Variants in FAM227A observed in about 807,000 individuals in gnomAD.
FAM227A encodes the protein protein FAM227A.
A neutral mutation model predicts 74.7 loss-of-function variants in FAM227A; 80 were observed. The ratio of observed to expected loss-of-function variants is 1.07; its 90% CI spans 0.89 to 1.29. The LOEUF is 1.29. Ranked by LOEUF, FAM227A falls within the 50% of genes most tolerant of loss-of-function variation. The pLI is 0.00. For missense variants in FAM227A, 654 were observed against 683.4 expected, an observed-to-expected ratio of 0.96 and a Z score of 0.48; for synonymous variants, 237 against 241.8, an observed-to-expected ratio of 0.98 and a Z score of 0.19.
rs1275767300 is a variant in FAM227A, at chr22:38,608,103, G to A, written c.1039-627C>T. Among the ~76,000 whole-genome samples the A allele has an allele frequency of 2.0e-5, 3 of 147,580 alleles. No individual in the cohort carries two copies. In the Admixed American group the frequency reaches 2.1e-4, roughly 10 times the overall value. On this transcript the variant is annotated intron_variant, in intron 11 of 16. Transcript: ENST00000535113. ...TCAAAATAACAGTGGCTCAAACTAG[G>A]TAGAAATTTCTCTCCCACCATCCTG... is the stretch of plus-strand genomic sequence containing the variant.
chr22:38,582,556 T>A lies in FAM227A; in HGVS notation c.*3569A>T. Reference sequence around the variant, plus strand: ...TTCCCCATAATTTTCCCTTCTAATGTTTACAAAGGGCAGAGACAGGTTTCT... The same window carrying A: ...TTCCCCATAATTTTCCCTTCTAATGATTACAAAGGGCAGAGACAGGTTTCT... On this transcript the variant is annotated 3_prime_UTR_variant, in exon 17 of 17. Coordinates refer to ENST00000535113, the MANE Select transcript of FAM227A (RefSeq NM_001013647.2). 2.2e-6 allele frequency: 2 copies of A among 910,008 alleles called. No homozygotes were observed. Among genetic ancestry groups the A allele is most frequent in the Non-Finnish European group, 3.3e-6 (2 of 610,510 alleles). 56.4% of individuals were successfully genotyped at this position (910,008 alleles called of 1,614,324 possible).
Position 38,581,433 on chromosome 22 carries a change from T to A in FAM227A, c.*4692A>T, listed in dbSNP as rs1177164420. On this transcript the variant is annotated 3_prime_UTR_variant, in exon 17 of 17. Coordinates refer to ENST00000535113, the MANE Select transcript of FAM227A (RefSeq NM_001013647.2). ...CTAGGTCATTTCAGTGGACAGAGTTTTAGGAAATATATACACATATTTTTG... is the reference window on the plus strand; with the variant it reads ...CTAGGTCATTTCAGTGGACAGAGTTATAGGAAATATATACACATATTTTTG... 1 of 152,174 alleles carries A rather than the reference T, an allele frequency of 6.6e-6. No individual in the cohort carries two copies. Among genetic ancestry groups the A allele is most frequent in the Admixed American group, 6.5e-5 (1 of 15,276 alleles). 9.4% of individuals were successfully genotyped at this position (152,174 alleles called of 1,614,324 possible). A position where few individuals can be genotyped will look rare whatever the true frequency, so the allele number is the denominator to read the frequency against.
intron 10 of FAM227A, among the ~76,000 whole-genome samples, chr22:38,621,368 G>A (rs1054366722): frequency 1.8e-4 from 23 of 128,304 alleles, no homozygotes; most frequent in Admixed American, 4.8e-4. Context: ...AAAAAAGAAA[G>A]AAAAGAAAAG....
At chr22:38,607,753 G>C (rs576585654) in intron 11 of FAM227A, among the ~76,000 whole-genome samples, 2 of 152,296 alleles carry the variant, frequency 1.3e-5, no homozygotes, top group Admixed American at 1.3e-4. Context: ...TCTGGGGCAA[G>C]TCATCAAACC....
intron 11 of FAM227A, among the ~76,000 whole-genome samples, chr22:38,619,184 C>T (rs1037956719): frequency 1.3e-5 from 2 of 151,966 alleles, no homozygotes; most frequent in African/African-American, 4.8e-5. Context: ...GAGGCAGGAC[C>T]CCTGAGAGCC....
At chr22:38,614,428 G>A (rs2146318915) in intron 11 of FAM227A, among the ~76,000 whole-genome samples, 1 of 152,254 alleles carries the variant, frequency 6.6e-6, no homozygotes, top group Admixed American at 6.5e-5. Flanking sequence ...TTTCCACTGT[G>A]CAAATCCCTA....
At chr22:38,644,946 G>A (rs575251680) in intron 3 of FAM227A, among the ~76,000 whole-genome samples, 13 of 152,112 alleles carry the variant, frequency 8.5e-5, no homozygotes, top group Non-Finnish European at 1.8e-4. Flanking sequence ...AAAATTAGCC[G>A]GGTATGGTGG....
intron 10 of FAM227A, 71 bp from the exon 11 acceptor site, chr22:38,620,362 G>C: frequency 8.1e-7 from 1 of 1,231,558 alleles, no homozygotes; most frequent in Admixed American, 2.0e-5. Flanking sequence ...CCAGGAGCTT[G>C]AGACAGCCTC....
At chr22:38,604,018 A>G (rs1274926437) in intron 13 of FAM227A, among the ~76,000 whole-genome samples, 1 of 152,170 alleles carries the variant, frequency 6.6e-6, no homozygotes, top group Non-Finnish European at 1.5e-5. Context: ...TCTAAGGTAA[A>G]ACACCACGAT....
At chr22:38,649,896 A>G (rs2092299459) in intron 2 of FAM227A, 131 bp downstream of exon 2, 2 of 832,448 alleles carry the variant, frequency 2.4e-6, no homozygotes, top group African/African-American at 1.8e-5. Flanking sequence ...AAAGAAAAGA[A>G]AAAATGAATG....
intron 11 of FAM227A, among the ~76,000 whole-genome samples, chr22:38,613,265 A>T (rs1298910837): frequency 5.0e-4 from 41 of 81,486 alleles, no homozygotes; most frequent in African/African-American, 2.0e-3. Flanking sequence ...ATATATTATA[A>T]CATATATTAT....
intron 6 of FAM227A, among the ~76,000 whole-genome samples, chr22:38,630,504 G>A (rs2091895690): frequency 6.6e-6 from 1 of 152,212 alleles, no homozygotes; most frequent in South Asian, 2.1e-4. Flanking sequence ...CAAAACACAT[G>A]GAGATGGTCA....
At chr22:38,646,480 T>C (rs572165248) in intron 2 of FAM227A, among the ~76,000 whole-genome samples, 2 of 151,312 alleles carry the variant, frequency 1.3e-5, no homozygotes, top group African/African-American at 4.8e-5. Context: ...GCTGGGATGG[T>C]CTCGATCTCC....
chr22:38,619,292 T>G (rs2091638431), intron 11 of FAM227A, among the ~76,000 whole-genome samples: 1 of 152,068 alleles, frequency 6.6e-6, no homozygotes, highest in South Asian at 2.1e-4. Flanking sequence ...AGGGTGTCAT[T>G]TTATTGGCTA....
At chr22:38,638,866 C>G in intron 4 of FAM227A, 44 bp from the exon 5 acceptor site, 2 of 1,250,674 alleles carry the variant, frequency 1.6e-6, no homozygotes, top group Non-Finnish European at 2.2e-6. Context: ...ACCACAGGGT[C>G]TGTCCACAGC....
chr22:38,598,895 C>CT (rs2091108917), intron 14 of FAM227A, among the ~76,000 whole-genome samples: 1 of 151,928 alleles, frequency 6.6e-6, no homozygotes, highest in African/African-American at 2.4e-5. Flanking sequence ...CCCGTGTTCT[C>CT]TGACTCCTAT....
chr22:38,629,732 T>A (rs2091880687), intron 6 of FAM227A, among the ~76,000 whole-genome samples: 1 of 74,058 alleles, frequency 1.4e-5, no homozygotes, highest in Non-Finnish European at 2.6e-5. Context: ...TCCTTTACCA[T>A]CAGGAAGCGT....
chr22:38,639,574 G>A (rs184476198), intron 4 of FAM227A, 81 bp downstream of exon 4: 173 of 1,268,250 alleles, frequency 1.4e-4, no homozygotes, highest in Admixed American at 1.0e-3. Flanking sequence ...TGAAACTTGG[G>A]ATTCCTACTC....
At position 38,582,125 on chromosome 22, in the gene FAM227A, T is replaced by C. The variant is rs1326306411; in HGVS notation, c.*4000A>G. Reference sequence around the variant, plus strand: ...CATTTAAAGTGTATTTAGGTGTGTATACACCCATGAGCCATTCACCACAAT... The same window carrying C: ...CATTTAAAGTGTATTTAGGTGTGTACACACCCATGAGCCATTCACCACAAT... On this transcript the variant is annotated 3_prime_UTR_variant, in exon 17 of 17. Transcript: ENST00000535113. 4 of 570,304 alleles carry C rather than the reference T, an allele frequency of 7.0e-6. No homozygotes were observed. The African/African-American group carries it at 7.5e-5, about 11-fold the overall frequency. The allele number at this position is 570,304 out of a possible 1,614,324, so 35.3% of individuals were successfully genotyped here.
Sources: gnomAD v4.1 joint callset for allele counts (sites outside exome capture counted in the v4.1 genomes callset) on GRCh38, gnomAD v4.1.1 for gene constraint, MANE v1.5 for transcripts, NCBI Gene and HGNC (gene_info 2026-07-23, HGNC 2026-07-21) for gene names.